The following CCDC33 variants were observed in gnomAD, a reference collection of about 807,000 sequenced individuals.
The protein encoded by CCDC33 is coiled-coil domain containing 33.
A neutral mutation model predicts 91.9 loss-of-function variants in CCDC33; 94 were observed. The observed-to-expected ratio is 1.02, with a 90% CI of 0.87 to 1.21. The LOEUF (loss-of-function observed/expected upper bound fraction) is 1.21. Among genes scored for constraint, CCDC33 ranks in the 50% most tolerant of loss-of-function variants. The pLI, the probability that CCDC33 is intolerant of heterozygous loss-of-function variation, is 0.00. For missense variants in CCDC33, 940 were observed against 935.5 expected (o/e 1.00, Z -0.06); for synonymous variants, 396 against 374.5 (o/e 1.06, Z -0.66).
intron 11 of CCDC33, among the ~76,000 whole-genome samples, chr15:74,327,704 T>C (rs2060337426): frequency 6.6e-6 from 1 of 152,142 alleles, no homozygotes; most frequent in African/African-American, 2.4e-5. Flanking sequence ...CAGGAGGGTC[T>C]TAGAAAAAAT....
At chr15:74,334,413 G>T (rs2060515203) in intron 17 of CCDC33, among the ~76,000 whole-genome samples, 1 of 149,582 alleles carries the variant, frequency 6.7e-6, no homozygotes, top group South Asian at 2.1e-4. Flanking sequence ...CAGGGTTAGG[G>T]TTCAGTGTGT....
At position 74,259,540 on chromosome 15, in the gene CCDC33, C is replaced by T. The variant is rs562356304; in HGVS notation, c.186-2900C>T. Among the ~76,000 whole-genome samples the T allele has an allele frequency of 7.9e-5, 12 of 152,230 alleles. No homozygotes were observed. In the South Asian group the frequency reaches 2.5e-3, roughly 32 times the overall value. ...AGCCTCCCCCTTCCCCTGGGGCCTCCCCCTCCCACCCAGTTGCTTTATCTG... is the reference window on the plus strand; with the variant it reads ...AGCCTCCCCCTTCCCCTGGGGCCTCTCCCTCCCACCCAGTTGCTTTATCTG... On this transcript the variant is annotated intron_variant, in intron 2 of 18. Transcript: ENST00000398814.
chr15:74,306,042 C>T (rs935358165), intron 11 of CCDC33, among the ~76,000 whole-genome samples: 3 of 152,156 alleles, frequency 2.0e-5, no homozygotes, highest in Admixed American at 1.3e-4. Flanking sequence ...TATTAATAGT[C>T]GTTGTGTTCA....
At chr15:74,242,818 G>A (rs1033812870) in intron 1 of CCDC33, among the ~76,000 whole-genome samples, 2 of 152,012 alleles carry the variant, frequency 1.3e-5, no homozygotes, top group African/African-American at 2.4e-5. Flanking sequence ...CAGCTCTGCC[G>A]TCTTCTCTGA....
rs1219639354 is a variant in CCDC33, at chr15:74,331,350, G to T, written c.1771+54G>T. On this transcript the variant is annotated intron_variant, in intron 15 of 18. Transcript: ENST00000398814. ...CCCCAGCTTCTGCTCCACCCCTGGA[G>T]GCCCTGCCTTCCTGGAGCCTCTCAG... 3 of 1,573,158 alleles carry T rather than the reference G, an allele frequency of 1.9e-6. No homozygotes were observed. In the African/African-American group the frequency reaches 4.1e-5, roughly 21 times the overall value.
At chr15:74,215,543 AT>A (rs967254595), upstream of CCDC33, among the ~76,000 whole-genome samples, 59 of 151,786 alleles carry the variant, frequency 3.9e-4, no homozygotes, top group African/African-American at 1.3e-3. Context: ...TTTGACTACA[AT>A]TTTTTTTTAA....
intron 5 of CCDC33, among the ~76,000 whole-genome samples, chr15:74,269,321 C>T (rs898513282): frequency 1.3e-5 from 2 of 152,164 alleles, no homozygotes; most frequent in African/African-American, 4.8e-5. Context: ...CCCCTACTTC[C>T]CACCAGCACC....
intron 7 of CCDC33, among the ~76,000 whole-genome samples, chr15:74,274,446 C>T (rs953201981): frequency 6.6e-6 from 1 of 152,206 alleles, no homozygotes; most frequent in African/African-American, 2.4e-5. Context: ...GTGCTTATGT[C>T]TGGCATAGCA....
chr15:74,290,896 T>A (rs2059572737), intron 10 of CCDC33, among the ~76,000 whole-genome samples: 1 of 152,060 alleles, frequency 6.6e-6, no homozygotes, highest in Non-Finnish European at 1.5e-5. Context: ...GGGAAAAAAA[T>A]AAATTCAGAA....
At chr15:74,297,225 G>A (rs1280305527) in intron 11 of CCDC33, among the ~76,000 whole-genome samples, 1 of 152,204 alleles carries the variant, frequency 6.6e-6, no homozygotes, top group Admixed American at 6.5e-5. Flanking sequence ...CGTCACCTCT[G>A]GCCCTTGGGG....
intron 11 of CCDC33, 151 bp from the exon 12 acceptor site, chr15:74,330,038 C>T (rs2060394392): frequency 1.3e-6 from 1 of 787,912 alleles, no homozygotes; most frequent in Non-Finnish European, 1.9e-6. Context: ...ACCACCCTTC[C>T]AGGGAGCTGC....
intron 2 of CCDC33, among the ~76,000 whole-genome samples, chr15:74,230,527 A>G (rs1290771180): frequency 6.6e-6 from 1 of 152,240 alleles, no homozygotes; most frequent in Non-Finnish European, 1.5e-5. Flanking sequence ...GGCCGCCCCA[A>G]ATGAGAGCTG....
chr15:74,314,339 C>T (rs1361775201), intron 11 of CCDC33, among the ~76,000 whole-genome samples: 1 of 152,238 alleles, frequency 6.6e-6, no homozygotes, highest in African/African-American at 2.4e-5. Flanking sequence ...GTGGGCCTGC[C>T]AAAGAGTATA....
chr15:74,307,736 C>A (rs199747298), intron 11 of CCDC33, among the ~76,000 whole-genome samples: 3 of 9,962 alleles, frequency 3.0e-4, no homozygotes, highest in Non-Finnish European at 7.9e-3. Flanking sequence ...GTCCAAACCC[C>A]AGTAATCAAA....
At chr15:74,287,358 C>G (rs1379001635) in intron 10 of CCDC33, among the ~76,000 whole-genome samples, 5 of 152,208 alleles carry the variant, frequency 3.3e-5, no homozygotes, top group Non-Finnish European at 5.9e-5. Context: ...GCCCTCCTTT[C>G]CACACCCAAA....
intron 10 of CCDC33, among the ~76,000 whole-genome samples, chr15:74,288,152 C>T (rs1018177010): frequency 6.6e-6 from 1 of 152,114 alleles, no homozygotes; most frequent in Non-Finnish European, 1.5e-5. Flanking sequence ...CCCAGGATGC[C>T]CTCTCCATCC....
chr15:74,266,332 C>T (rs2076165074), intron 3 of CCDC33, among the ~76,000 whole-genome samples: 1 of 152,056 alleles, frequency 6.6e-6, no homozygotes, highest in Non-Finnish European at 1.5e-5. Context: ...GCCTGCTTGC[C>T]TGTGTATCTC....
intron 11 of CCDC33, chr15:74,300,249 A>G (rs1194754899): frequency 2.0e-5 from 3 of 152,304 alleles, no homozygotes; most frequent in Non-Finnish European, 4.4e-5. Context: ...GTGTCGTTGC[A>G]TAACAATAGA....
At chr15:74,271,478 C>T (rs1041956190) in intron 5 of CCDC33, among the ~76,000 whole-genome samples, 3 of 152,106 alleles carry the variant, frequency 2.0e-5, no homozygotes, top group African/African-American at 7.2e-5. Flanking sequence ...GGACAGAAAG[C>T]GGGAGCAGTT....
Sources: allele counts gnomAD v4.1 joint callset (sites outside exome capture counted in the v4.1 genomes callset), GRCh38; gene constraint gnomAD v4.1.1; transcripts MANE v1.5; gene names NCBI Gene and HGNC (gene_info 2026-07-23, HGNC 2026-07-21).